Variants in HPCAL1 observed in about 807,000 individuals in gnomAD.
HPCAL1 encodes hippocalcin-like protein 1.
A neutral mutation model predicts 17.1 loss-of-function variants in HPCAL1; 8 were observed. The observed-to-expected ratio is 0.47, with a 90% confidence interval of 0.27 to 0.84. The LOEUF (loss-of-function observed/expected upper bound fraction) is 0.84. Ranked by LOEUF, HPCAL1 falls within the 40% of genes least tolerant of loss-of-function variation. The probability of loss-of-function intolerance (pLI) is 0.13; values close to 1 mark genes in which losing one functional copy is unlikely to be tolerated. For missense variants in HPCAL1, 165 were observed against 271.1 expected (o/e 0.61, Z 2.75); for synonymous variants, 112 against 111.4 (o/e 1.01, Z -0.03).
In HPCAL1 at chr2:10,342,331, A is replaced by G. The variant is rs1665142773; in HGVS notation, c.-111+39154A>G. On this transcript the variant is annotated intron_variant, in intron 1 of 4. Coordinates refer to ENST00000307845, the MANE Select transcript of HPCAL1 (RefSeq NM_002149.4). This position sits in a 1 kb window ranked among gnomAD's most constrained non-coding sequence, Gnocchi z 4.1. The stretch of plus-strand genomic sequence containing the variant: ...CTGCCTCGCCCGCCTCCAGGGGCAC[A>G]CTGCATTCTTTGTGGAAGTGTCCCT... Among the ~76,000 whole-genome samples the G allele has an allele frequency of 6.6e-6, 1 of 152,192 alleles. No individual in the cohort carries two copies. The highest frequency in any genetic ancestry group is 1.5e-5 in the Non-Finnish European group (1 of 68,032).
rs566661551 is a variant in HPCAL1, at chr2:10,397,200, C to T, written c.-25+280C>T. ...AGGTCTTTCTGGGTAAATCGCGTGA[C>T]CTTCGGTGCTTCTGTTTGGCGATTT... On this transcript the variant is annotated intron_variant, in intron 2 of 4. Transcript: ENST00000307845. Among the ~76,000 whole-genome samples, 4 of 151,478 alleles carry T rather than the reference C, an allele frequency of 2.6e-5. 1 individual carries two copies. The South Asian group carries it at 8.4e-4, about 32-fold the overall frequency.
chr2:10,322,108 C>A (rs1299868568), intron 1 of HPCAL1, among the ~76,000 whole-genome samples: 1 of 152,126 alleles, frequency 6.6e-6, no homozygotes, highest in African/African-American at 2.4e-5. Context: ...CTGTAGCCTG[C>A]AACTCTATGG....
At position 10,377,344 on chromosome 2, in the gene HPCAL1, T is replaced by G. The variant is rs562146984; in HGVS notation, c.-110-19491T>G. On this transcript the variant is annotated intron_variant, in intron 1 of 4. Coordinates refer to ENST00000307845, the MANE Select transcript of HPCAL1 (RefSeq NM_002149.4). This position sits in a 1 kb window ranked among gnomAD's most constrained non-coding sequence, Gnocchi z 5.9. ...CCTTTCCACTGCTTCACACCAGCAGTGCTTTACCTGGAAAGGTGTCTGAAC... is the reference window on the plus strand; with the variant it reads ...CCTTTCCACTGCTTCACACCAGCAGGGCTTTACCTGGAAAGGTGTCTGAAC... Among the ~76,000 whole-genome samples, 3 of 152,284 alleles carry G rather than the reference T, an allele frequency of 2.0e-5. No homozygotes were observed. Among genetic ancestry groups the G allele is most frequent in the Admixed American group, 1.3e-4 (2 of 15,310 alleles).
rs747134630 is a variant in HPCAL1, at chr2:10,364,586, CT to C, written c.-110-32234del. Reference sequence around the variant, plus strand: ...GCCTCCTCTCCTAAGCTCCCGCCTCCTTTTTTTTTTTTTTTGGAGACAGTGG... The same window carrying C: ...GCCTCCTCTCCTAAGCTCCCGCCTCCTTTTTTTTTTTTTTGGAGACAGTGG... On this transcript the variant is annotated intron_variant, in intron 1 of 4. Transcript: ENST00000307845. Among the ~76,000 whole-genome samples, 545 of 143,592 alleles carry C rather than the reference CT, an allele frequency of 3.8e-3. 1 individual carries two copies. The highest frequency in any genetic ancestry group is 3.6e-3 in the Middle Eastern group (1 of 274). The allele number at this position is 143,592 out of a possible 152,430, so 94.2% of individuals were successfully genotyped here.
intron 1 of HPCAL1, among the ~76,000 whole-genome samples, chr2:10,383,189 T>C (rs1487778499): frequency 2.0e-5 from 3 of 152,074 alleles, no homozygotes; most frequent in East Asian, 1.9e-4. Flanking sequence ...CTGGGCAACA[T>C]AGTAAGACCT....
chr2:10,357,497 G>A lies in HPCAL1; in HGVS notation c.-110-39338G>A, dbSNP rs141714418. ...AGAGGGAGTGGACCCTGTGGGGCTC[G>A]GCCATGGCAGAATTCTGCTCTGATT... On this transcript the variant is annotated intron_variant, in intron 1 of 4. Coordinates refer to ENST00000307845, the MANE Select transcript of HPCAL1 (RefSeq NM_002149.4). Among the ~76,000 whole-genome samples the A allele has an allele frequency of 2.3e-4, 35 of 152,310 alleles. No individual in the cohort carries two copies. In the East Asian group the frequency reaches 5.8e-3, roughly 25 times the overall value.
intron 1 of HPCAL1, among the ~76,000 whole-genome samples, chr2:10,309,889 A>T (rs1662845727): frequency 6.6e-6 from 1 of 152,232 alleles, no homozygotes; most frequent in African/African-American, 2.4e-5. Context: ...GTTCTCTCCC[A>T]TGGTTGTAGA....
At chr2:10,386,327 C>T (rs1000358250) in intron 1 of HPCAL1, among the ~76,000 whole-genome samples, 3 of 152,224 alleles carry the variant, frequency 2.0e-5, no homozygotes, top group African/African-American at 7.2e-5. Flanking sequence ...GCCTCTCTTG[C>T]GTGGCTCCAT....
At chr2:10,347,150 C>G (rs1473465999) in intron 1 of HPCAL1, among the ~76,000 whole-genome samples, 1 of 152,096 alleles carries the variant, frequency 6.6e-6, no homozygotes, top group African/African-American at 2.4e-5. Flanking sequence ...ACACACAGGC[C>G]GGCCTCAGTG....
chr2:10,348,252 C>T (rs998857940), intron 1 of HPCAL1, among the ~76,000 whole-genome samples: 1 of 152,110 alleles, frequency 6.6e-6, no homozygotes. Flanking sequence ...GAGTTCAAGA[C>T]CAGCCTGCCA....
chr2:10,311,769 A>G (rs974100541), intron 1 of HPCAL1, among the ~76,000 whole-genome samples: 1 of 152,052 alleles, frequency 6.6e-6, no homozygotes, highest in South Asian at 2.1e-4. Flanking sequence ...TATCACCATT[A>G]TCATTATCAC....
At position 10,322,257 on chromosome 2, in the gene HPCAL1, A is replaced by G. The variant is rs890385684; in HGVS notation, c.-111+19080A>G. Among the ~76,000 whole-genome samples the G allele has an allele frequency of 3.9e-5, 6 of 152,284 alleles. No individual in the cohort carries two copies. In the East Asian group the frequency reaches 1.2e-3, roughly 29 times the overall value. On this transcript the variant is annotated intron_variant, in intron 1 of 4. Coordinates refer to ENST00000307845, the MANE Select transcript of HPCAL1 (RefSeq NM_002149.4). Reference sequence around the variant, plus strand: ...AAATTCGTCTTGAACTCCTGGGCTTAAGTGATCCTCCCAAGTTAGCCTTAT... The same window carrying G: ...AAATTCGTCTTGAACTCCTGGGCTTGAGTGATCCTCCCAAGTTAGCCTTAT...
chr2:10,394,752 C>G lies in HPCAL1; in HGVS notation c.-110-2083C>G, dbSNP rs114289101. On this transcript the variant is annotated intron_variant, in intron 1 of 4. Transcript: ENST00000307845. The surrounding 1 kb of genome is among the most constrained non-coding windows in gnomAD (Gnocchi z 5.0). ...GAGTGGTGTAAGGGGTGTGTGGGAA[C>G]TTTCTGCTCAATTTTGTTGGGAAGA... Among the ~76,000 whole-genome samples the G allele has an allele frequency of 3.0e-3, 449 of 152,150 alleles. 6 individuals carry two copies. Among genetic ancestry groups the G allele is most frequent in the African/African-American group, 0.01 (432 of 41,508 alleles).
At chr2:10,415,677 C>G (rs1670616961) in intron 2 of HPCAL1, among the ~76,000 whole-genome samples, 1 of 152,204 alleles carries the variant, frequency 6.6e-6, no homozygotes, top group Admixed American at 6.5e-5. Context: ...CAGGCCTCCT[C>G]TTGATCATCA....
At chr2:10,352,006 G>A (rs1047670520) in intron 1 of HPCAL1, among the ~76,000 whole-genome samples, 1 of 151,030 alleles carries the variant, frequency 6.6e-6, no homozygotes, top group Admixed American at 6.6e-5. Flanking sequence ...GGGTTCAAGA[G>A]ATTCTCATGC....
intron 1 of HPCAL1, among the ~76,000 whole-genome samples, chr2:10,361,461 C>G (rs1666521401): frequency 6.6e-6 from 1 of 152,136 alleles, no homozygotes; most frequent in Admixed American, 6.5e-5. Flanking sequence ...GAGGACTTAT[C>G]TTCTCATTGT....
At chr2:10,336,124 G>A (rs1160546671) in intron 1 of HPCAL1, among the ~76,000 whole-genome samples, 1 of 148,424 alleles carries the variant, frequency 6.7e-6, no homozygotes, top group South Asian at 2.2e-4. Flanking sequence ...TTAATTGCAT[G>A]TTCGTATCCT....
chr2:10,385,997 C>T (rs1020425533), intron 1 of HPCAL1, among the ~76,000 whole-genome samples: 6 of 152,154 alleles, frequency 3.9e-5, no homozygotes, highest in South Asian at 2.1e-4. Flanking sequence ...TTGGGTTTTA[C>T]GGCTGTCTGG....
intron 1 of HPCAL1, among the ~76,000 whole-genome samples, chr2:10,316,054 G>A (rs1407725405): frequency 6.6e-6 from 1 of 152,132 alleles, no homozygotes; most frequent in Non-Finnish European, 1.5e-5. Context: ...CCGTTTCAGT[G>A]TGGCATAGTG....
Sources: gnomAD v4.1 joint callset for allele counts (sites outside exome capture counted in the v4.1 genomes callset) on GRCh38, gnomAD v4.1.1 for gene constraint, Gnocchi (gnomAD v3.1) non-coding constraint, MANE v1.5 for transcripts, NCBI Gene and HGNC (gene_info 2026-07-23, HGNC 2026-07-21) for gene names.